The following RIMS2 variants were observed in gnomAD, a reference collection of about 807,000 sequenced individuals.
RIMS2 encodes regulating synaptic membrane exocytosis 2, also known as regulating synaptic membrane exocytosis protein 2.
RIMS2 carries 59 observed loss-of-function variants against 174.4 expected under a neutral mutation model. That is an observed-to-expected ratio of 0.34 (90% CI 0.27 to 0.42). The LOEUF (loss-of-function observed/expected upper bound fraction) is 0.42, where lower values mean the gene tolerates loss of function less well. RIMS2 is among the 10% of genes least tolerant of loss of function. The pLI is 1.00. For synonymous variants in RIMS2, 606 were observed against 572.5 expected (o/e 1.06, Z -0.84); for missense variants, 1,620 against 1,666.3 (o/e 0.97, Z 0.48).
At chr8:104,126,934 G>A (rs1367191886) in intron 19 of RIMS2, among the ~76,000 whole-genome samples, 2 of 152,166 alleles carry the variant, frequency 1.3e-5, no homozygotes, top group African/African-American at 2.4e-5. Flanking sequence ...GGAATGGCAA[G>A]TTTTCAAGCT....
intron 3 of RIMS2, among the ~76,000 whole-genome samples, chr8:103,823,993 G>T (rs1270662209): frequency 4.0e-5 from 6 of 151,550 alleles, no homozygotes; most frequent in Non-Finnish European, 8.9e-5. Flanking sequence ...TTCATTATAG[G>T]CATAAAAGCT....
At chr8:104,015,275 C>T (rs546997560) in intron 19 of RIMS2, 477 of 458,252 alleles carry the variant, frequency 1.0e-3, no homozygotes, top group Admixed American at 2.0e-3. Flanking sequence ...GCAAATAATA[C>T]ATATAAGTTT....
At chr8:103,598,874 A>C (rs2094576258) in intron 1 of RIMS2, among the ~76,000 whole-genome samples, 1 of 152,114 alleles carries the variant, frequency 6.6e-6, no homozygotes, top group African/African-American at 2.4e-5. Flanking sequence ...TTCTGTCTAT[A>C]AGGGGGATGA....
chr8:103,740,043 C>G (rs1373484975), intron 2 of RIMS2, among the ~76,000 whole-genome samples: 1 of 152,114 alleles, frequency 6.6e-6, no homozygotes, highest in Non-Finnish European at 1.5e-5. Flanking sequence ...AATATCCACC[C>G]TTTGTACTTT....
At chr8:104,094,383 T>TA in intron 19 of RIMS2, 1 of 567,566 alleles carries the variant, frequency 1.8e-6, no homozygotes, top group Non-Finnish European at 3.1e-6. Context: ...TGATAGTTTT[T>TA]ATTACCTTTC....
intron 1 of RIMS2, among the ~76,000 whole-genome samples, chr8:103,569,563 C>G (rs542910783): frequency 6.6e-6 from 1 of 151,996 alleles, no homozygotes; most frequent in African/African-American, 2.4e-5. Flanking sequence ...TTTCAGTATA[C>G]AAATCTTACA....
intron 3 of RIMS2, among the ~76,000 whole-genome samples, chr8:103,812,489 C>T (rs2098695046): frequency 6.6e-6 from 1 of 152,124 alleles, no homozygotes; most frequent in Admixed American, 6.5e-5. Flanking sequence ...TCAAGCGATT[C>T]TCCTGCCTCA....
intron 3 of RIMS2, among the ~76,000 whole-genome samples, chr8:103,818,986 G>A (rs1283048330): frequency 6.6e-6 from 1 of 152,072 alleles, no homozygotes; most frequent in South Asian, 2.1e-4. Flanking sequence ...GATATATGCT[G>A]TTGCTGGAGT....
intron 19 of RIMS2, among the ~76,000 whole-genome samples, chr8:104,176,381 T>C (rs976769431): frequency 6.6e-6 from 1 of 152,110 alleles, no homozygotes; most frequent in African/African-American, 2.4e-5. Context: ...GACTGTATTA[T>C]AAGCTGGACC....
At chr8:103,870,886 A>G (rs1160565970) in intron 3 of RIMS2, among the ~76,000 whole-genome samples, 2 of 152,178 alleles carry the variant, frequency 1.3e-5, no homozygotes, top group Non-Finnish European at 2.9e-5. Flanking sequence ...ATCTGCTAAT[A>G]CAAAACATCT....
intron 19 of RIMS2, among the ~76,000 whole-genome samples, chr8:104,058,082 C>T (rs1216030333): frequency 6.7e-6 from 1 of 149,320 alleles, no homozygotes; most frequent in African/African-American, 2.5e-5. Flanking sequence ...GGGTATATAC[C>T]CAGTAATGGG....
chr8:103,934,644 G>A (rs1043236176), intron 12 of RIMS2, among the ~76,000 whole-genome samples: 3 of 151,258 alleles, frequency 2.0e-5, no homozygotes, highest in African/African-American at 7.3e-5. Flanking sequence ...CTGTCCTTAC[G>A]AGGAAGTTCA....
chr8:104,087,653 T>A (rs1287348187), intron 19 of RIMS2, among the ~76,000 whole-genome samples: 1 of 151,860 alleles, frequency 6.6e-6, no homozygotes, highest in African/African-American at 2.4e-5. Context: ...CCTCATAAGG[T>A]TTGGGAGAAC....
At chr8:103,789,243 C>T (rs1212134498) in intron 3 of RIMS2, among the ~76,000 whole-genome samples, 4 of 152,066 alleles carry the variant, frequency 2.6e-5, no homozygotes, top group South Asian at 2.1e-4. Context: ...GTGTCGCTCT[C>T]GCTGGGAGCT....
chr8:104,057,724 C>T (rs537239128), intron 19 of RIMS2, among the ~76,000 whole-genome samples: 1 of 114,256 alleles, frequency 8.8e-6, no homozygotes, highest in Admixed American at 1.0e-4. Context: ...CCCCCTCCCC[C>T]CACCCCACAA....
exon 4 of RIMS2, chr8:103,885,720 C>G: frequency 6.2e-7 from 1 of 1,612,942 alleles, no homozygotes; most frequent in Non-Finnish European, 8.5e-7. Context: ...GTTTCTTTGG[C>G]AAATGCTGAT....
At chr8:104,118,307 G>C (rs2098312819) in intron 19 of RIMS2, among the ~76,000 whole-genome samples, 1 of 151,266 alleles carries the variant, frequency 6.6e-6, no homozygotes, top group Non-Finnish European at 1.5e-5. Context: ...CCAACTTCCA[G>C]TTGATAATTA....
At chr8:103,907,364 T>G (rs2074653678) in intron 4 of RIMS2, among the ~76,000 whole-genome samples, 1 of 152,250 alleles carries the variant, frequency 6.6e-6, no homozygotes, top group African/African-American at 2.4e-5. Context: ...TTGTTCTTCC[T>G]GACATCTTTT....
chr8:104,193,570 C>A (rs762242153), intron 19 of RIMS2, among the ~76,000 whole-genome samples: 7 of 152,214 alleles, frequency 4.6e-5, no homozygotes, highest in African/African-American at 9.7e-5. Flanking sequence ...TTCCTACCGG[C>A]AGTGCATCAG....
Sources: allele counts gnomAD v4.1 joint callset (sites outside exome capture counted in the v4.1 genomes callset), GRCh38; gene constraint gnomAD v4.1.1; transcripts MANE v1.5; gene names NCBI Gene and HGNC (gene_info 2026-07-23, HGNC 2026-07-21).